The following TERB1 variants were observed in gnomAD, a reference collection of about 807,000 sequenced individuals.
TERB1 encodes telomere repeat binding bouquet formation protein 1.
In TERB1, 63 loss-of-function variants were observed where a neutral mutation model predicts 92.3. The ratio of observed to expected loss-of-function variants is 0.68; its 90% CI spans 0.56 to 0.84. The LOEUF is 0.84. Ranked by LOEUF, TERB1 falls within the 40% of genes least tolerant of loss-of-function variation. The probability of loss-of-function intolerance (pLI) is 0.00; values close to 1 mark genes in which losing one functional copy is unlikely to be tolerated. For synonymous variants in TERB1, 252 were observed against 283.9 expected, an observed-to-expected ratio of 0.89 and a Z score of 1.13; for missense variants, 709 against 843.7, an observed-to-expected ratio of 0.84 and a Z score of 1.98.
At chr16:66,778,658 T>A (rs1247480356) in intron 10 of TERB1, among the ~76,000 whole-genome samples, 1 of 152,196 alleles carries the variant, frequency 6.6e-6, no homozygotes, top group African/African-American at 2.4e-5. Context: ...CCTCAGGTGA[T>A]CTGCCCGCCT....
At chr16:66,784,696 T>C (rs1036583156) in intron 9 of TERB1, among the ~76,000 whole-genome samples, 1 of 151,786 alleles carries the variant, frequency 6.6e-6, no homozygotes, top group African/African-American at 2.4e-5. Context: ...ATACTATAAA[T>C]TTCCCTCTAA....
intron 9 of TERB1, among the ~76,000 whole-genome samples, chr16:66,779,412 C>A (rs563081259): frequency 3.7e-4 from 57 of 152,122 alleles, no homozygotes; most frequent in Non-Finnish European, 4.0e-4. Flanking sequence ...GCCTGGCCAA[C>A]ATGCTGAAAC....
chr16:66,775,917 C>T (rs1355814349), intron 11 of TERB1, among the ~76,000 whole-genome samples: 1 of 151,786 alleles, frequency 6.6e-6, no homozygotes, highest in African/African-American at 2.4e-5. Flanking sequence ...TCAACATGCT[C>T]ACCAAGCTGG....
At chr16:66,781,921 G>C (rs2018644908) in intron 9 of TERB1, among the ~76,000 whole-genome samples, 1 of 152,088 alleles carries the variant, frequency 6.6e-6, no homozygotes, top group Admixed American at 6.6e-5. Context: ...TTATTTCAAT[G>C]GAGTCCAATT....
At chr16:66,755,816 C>T (rs2018128373) in intron 18 of TERB1, among the ~76,000 whole-genome samples, 1 of 152,054 alleles carries the variant, frequency 6.6e-6, no homozygotes, top group Non-Finnish European at 1.5e-5. Context: ...GCTTACGTAT[C>T]TTAGAGATAC....
chr16:66,787,404 C>A (rs2018748423), intron 6 of TERB1, among the ~76,000 whole-genome samples: 1 of 151,514 alleles, frequency 6.6e-6, no homozygotes, highest in Non-Finnish European at 1.5e-5. Flanking sequence ...GCTGGGATTA[C>A]AGGGATGATC....
rs1179577125 is a variant in TERB1 at position 66,785,906 on chromosome 16, C to T, written c.580G>A (p.Glu194Lys). ...AGGGAACAGCAAAACATTTGATTCT[C>T]ATCTGAAAGAAGACAAAGTCAATCA... Reference protein sequence around the residue: ...CVCVNNPQNDENQMFCCSLFP... With the variant: ...CVCVNNPQNDKNQMFCCSLFP... Residue 194 changes from glutamate (E) to lysine (K), a missense_variant and splice_region_variant, in exon 9 of 19, where the codon GAG becomes AAG. Physicochemically the swap from Glu to Lys is moderately conservative, Grantham distance 56 (BLOSUM62 1). Transcript: ENST00000433154. 3 of 1,541,176 alleles carry T rather than the reference C, an allele frequency of 1.9e-6. No homozygotes were observed. The African/African-American group carries it at 4.1e-5, about 21-fold the overall frequency.
chr16:66,762,652 G>A (rs1235706438), intron 16 of TERB1, among the ~76,000 whole-genome samples: 1 of 151,182 alleles, frequency 6.6e-6, no homozygotes, highest in African/African-American at 2.4e-5. Context: ...CCAAAGTGCT[G>A]GGATTACAGG....
chr16:66,778,312 T>TC (rs1229997094), intron 10 of TERB1, among the ~76,000 whole-genome samples: 2 of 152,180 alleles, frequency 1.3e-5, no homozygotes, highest in African/African-American at 4.8e-5. Flanking sequence ...TTGACCAAGC[T>TC]GGTCTCAAAC....
intron 6 of TERB1, among the ~76,000 whole-genome samples, chr16:66,787,566 T>G (rs1459775769): frequency 6.6e-6 from 1 of 152,146 alleles, no homozygotes; most frequent in Non-Finnish European, 1.5e-5. Flanking sequence ...CTAAAATTAT[T>G]CCAAAACAAA....
chr16:66,791,781 G>A (rs2018839258), intron 3 of TERB1, among the ~76,000 whole-genome samples: 1 of 152,080 alleles, frequency 6.6e-6, no homozygotes, highest in Non-Finnish European at 1.5e-5. Flanking sequence ...ATCTATGAAA[G>A]AAGTTGAATT....
Position 66,791,032 on chromosome 16 carries a change from A to T in TERB1, c.32-13T>A. ...TCAGTCTTCATTTCTAAAGAACAAA[A>T]ATGTCATTATTTTAAACCAAAAGGT... On this transcript the variant is annotated splice_polypyrimidine_tract_variant and intron_variant, in intron 3 of 18. Coordinates refer to ENST00000433154, the MANE Select transcript of TERB1 (RefSeq NM_001136505.2). The T allele has an allele frequency of 7.1e-7, 1 of 1,413,842 alleles. No individual in the cohort carries two copies. Among genetic ancestry groups the T allele is most frequent in the Non-Finnish European group, 9.6e-7 (1 of 1,039,290 alleles). 87.6% of individuals were successfully genotyped at this position (1,413,842 alleles called of 1,614,324 possible).
At chr16:66,776,329 C>CAA (rs377113453) in intron 11 of TERB1, among the ~76,000 whole-genome samples, 57 of 89,306 alleles carry the variant, frequency 6.4e-4, no homozygotes, top group Middle Eastern at 6.8e-3. Context: ...AACTCCGTCT[C>CAA]AAAAAAAAAA....
chr16:66,786,539 G>C (rs2018731847), intron 6 of TERB1, among the ~76,000 whole-genome samples: 1 of 152,222 alleles, frequency 6.6e-6, no homozygotes, highest in Non-Finnish European at 1.5e-5. Context: ...TCATGGTTCT[G>C]TGTTGCAGTA....
At chr16:66,787,169 G>A (rs1005636862) in intron 6 of TERB1, among the ~76,000 whole-genome samples, 1 of 152,090 alleles carries the variant, frequency 6.6e-6, no homozygotes, top group Non-Finnish European at 1.5e-5. Flanking sequence ...CTTGATCACA[G>A]CTCATTGCAG....
At chr16:66,795,858 C>T (rs1341327295) in intron 3 of TERB1, among the ~76,000 whole-genome samples, 1 of 152,178 alleles carries the variant, frequency 6.6e-6, no homozygotes, top group Non-Finnish European at 1.5e-5. Context: ...AAGTGATCCT[C>T]CCACCTCAGC....
intron 17 of TERB1, 119 bp downstream of exon 17, chr16:66,759,022 G>C: frequency 9.6e-7 from 1 of 1,045,038 alleles, no homozygotes; most frequent in Non-Finnish European, 1.4e-6. Context: ...TTGTTGCTTA[G>C]AGACAGATTT....
In TERB1 at chr16:66,755,069, C is replaced by T. The variant is rs1168687535; in HGVS notation, c.2091G>A (p.Leu697=). 1.8e-5 allele frequency: 28 copies of T among 1,551,434 alleles called. No individual in the cohort carries two copies. The part of the protein sequence containing the change: ...KKMGNHWNSI[L]WSFPFQQGRK... Reference sequence around the variant, plus strand: ...GTCCTTGCTGAAAGGGGAAAGACCACAAAATTGAATTCCAGTGATTTCCCA... The same window carrying T: ...GTCCTTGCTGAAAGGGGAAAGACCATAAAATTGAATTCCAGTGATTTCCCA... The change falls in exon 19 of 19, where the codon TTG becomes TTA. Residue 697 remains leucine, a synonymous_variant. Transcript: ENST00000433154.
At chr16:66,769,445 A>G (rs908503535) in intron 14 of TERB1, among the ~76,000 whole-genome samples, 3 of 152,224 alleles carry the variant, frequency 2.0e-5, no homozygotes, top group Non-Finnish European at 4.4e-5. Context: ...AAAAGCTACA[A>G]TCCCAGGTCT....
Sources: allele counts gnomAD v4.1 joint callset (sites outside exome capture counted in the v4.1 genomes callset), GRCh38; gene constraint gnomAD v4.1.1; transcripts MANE v1.5; gene names NCBI Gene and HGNC (gene_info 2026-07-23, HGNC 2026-07-21).